The following MALRD1 variants were observed in gnomAD, a reference collection of about 807,000 sequenced individuals.
MALRD1 encodes the protein MAM and LDL receptor class A domain containing 1, also known as MAM and LDL-receptor class A domain-containing protein 1.
MALRD1 carries 247 observed loss-of-function variants against 242.1 expected under a neutral mutation model. The ratio of observed to expected loss-of-function variants is 1.02; its 90% confidence interval spans 0.92 to 1.13. The LOEUF (loss-of-function observed/expected upper bound fraction) is 1.13. MALRD1 is among the 50% of genes most tolerant of loss of function. The pLI is 0.00. For missense variants in MALRD1, 2,989 were observed against 2,533.1 expected (o/e 1.18, Z -3.86); for synonymous variants, 995 against 866.6 (o/e 1.15, Z -2.60).
intron 36 of MALRD1, among the ~76,000 whole-genome samples, chr10:19,650,526 G>A (rs577757871): frequency 3.3e-5 from 5 of 152,236 alleles, no homozygotes; most frequent in South Asian, 2.1e-4. Context: ...TAGAAAATCT[G>A]TAATAAGTTT....
intron 26 of MALRD1, among the ~76,000 whole-genome samples, chr10:19,376,824 C>T (rs1438280452): frequency 6.6e-6 from 1 of 151,970 alleles, no homozygotes; most frequent in African/African-American, 2.4e-5. Context: ...AATGATCTGA[C>T]CACCTCGGCC....
chr10:19,380,451 T>C (rs1845790485), intron 26 of MALRD1, among the ~76,000 whole-genome samples: 1 of 152,044 alleles, frequency 6.6e-6, no homozygotes, highest in Non-Finnish European at 1.5e-5. Flanking sequence ...TCAGTAGTTC[T>C]TTTGTTTCAT....
chr10:19,725,474 C>G (rs12772182), intron 38 of MALRD1, among the ~76,000 whole-genome samples: 3,639 of 152,288 alleles, frequency 0.024, 63 homozygotes, highest in Middle Eastern at 0.041. Context: ...AAACCTCTTT[C>G]CTTTATAAAT....
At chr10:19,293,461 A>G (rs1013796286) in intron 21 of MALRD1, among the ~76,000 whole-genome samples, 1 of 152,226 alleles carries the variant, frequency 6.6e-6, no homozygotes, top group Non-Finnish European at 1.5e-5. Flanking sequence ...TTAAGGATCT[A>G]TTATTTGCAT....
At chr10:19,659,131 T>G (rs996956654) in intron 36 of MALRD1, among the ~76,000 whole-genome samples, 1 of 152,212 alleles carries the variant, frequency 6.6e-6, no homozygotes, top group Non-Finnish European at 1.5e-5. Context: ...TTCTGCTAGT[T>G]ATCAGAACAA....
intron 25 of MALRD1, 77 bp from the exon 26 acceptor site, chr10:19,351,929 A>AT: frequency 8.0e-7 from 1 of 1,243,214 alleles, no homozygotes; most frequent in African/African-American, 1.5e-5. Flanking sequence ...GAAGAGGGCA[A>AT]TGTGATAGAA....
chr10:19,323,133 T>C (rs1482975728), intron 21 of MALRD1, among the ~76,000 whole-genome samples: 1 of 152,194 alleles, frequency 6.6e-6, no homozygotes, highest in Non-Finnish European at 1.5e-5. Flanking sequence ...TATACAAGGT[T>C]ACTAAAATGT....
intron 21 of MALRD1, among the ~76,000 whole-genome samples, chr10:19,297,109 T>A (rs1020113150): frequency 7.3e-5 from 11 of 150,462 alleles, no homozygotes; most frequent in African/African-American, 2.7e-4. Context: ...ATATATATAT[T>A]TGTGTGAGTG....
chr10:19,704,115 G>A (rs181568161), intron 38 of MALRD1, among the ~76,000 whole-genome samples: 59 of 129,032 alleles, frequency 4.6e-4, no homozygotes, highest in African/African-American at 1.5e-3. Flanking sequence ...ACTAACAAAA[G>A]TTAAAAATCA....
rs1319346850 is a variant in MALRD1 at position 19,215,395 on chromosome 10, G to A, written c.2991+5715G>A. On this transcript the variant is annotated intron_variant, in intron 18 of 39. Coordinates refer to ENST00000454679, the MANE Select transcript of MALRD1 (RefSeq NM_001142308.3). ...TTGATTATCAGTCCTCTTCAATTAGGGCACAAACAAGGTTAATTTTTTTCC... is the reference window on the plus strand; with the variant it reads ...TTGATTATCAGTCCTCTTCAATTAGAGCACAAACAAGGTTAATTTTTTTCC... 5.3e-5 allele frequency among the ~76,000 whole-genome samples: 8 copies of A among 152,080 alleles called. 1 individual carries two copies. Among genetic ancestry groups the A allele is most frequent in the Admixed American group, 2.6e-4 (4 of 15,244 alleles).
At chr10:19,331,205 A>G (rs1357886965) in intron 23 of MALRD1, among the ~76,000 whole-genome samples, 164 bp from the exon 24 acceptor site, 1 of 152,102 alleles carries the variant, frequency 6.6e-6, no homozygotes, top group Non-Finnish European at 1.5e-5. Context: ...TGGTCCTTAA[A>G]TTTCCTGGGT....
At chr10:19,410,665 T>C (rs1173422349) in intron 28 of MALRD1, among the ~76,000 whole-genome samples, 1 of 131,434 alleles carries the variant, frequency 7.6e-6, no homozygotes, top group Non-Finnish European at 1.6e-5. Context: ...CCTCCATCCA[T>C]TCTTCCTTCC....
intron 26 of MALRD1, among the ~76,000 whole-genome samples, chr10:19,365,921 C>A (rs983724069): frequency 6.6e-6 from 1 of 151,930 alleles, no homozygotes; most frequent in Non-Finnish European, 1.5e-5. Context: ...CAGAGGCAAC[C>A]AGTATTTTGA....
chr10:19,074,349 G>A (rs1164795004), intron 2 of MALRD1, among the ~76,000 whole-genome samples: 1 of 152,064 alleles, frequency 6.6e-6, no homozygotes. Context: ...GTCTCAAGCA[G>A]TATTTTCCAG....
chr10:19,312,641 A>T (rs575904635), intron 21 of MALRD1, among the ~76,000 whole-genome samples: 7 of 151,264 alleles, frequency 4.6e-5, no homozygotes, highest in Non-Finnish European at 7.4e-5. Context: ...TGAGACTGGA[A>T]AACTTTGACT....
At chr10:19,651,020 C>T (rs973549624) in intron 36 of MALRD1, among the ~76,000 whole-genome samples, 1 of 152,136 alleles carries the variant, frequency 6.6e-6, no homozygotes, top group Non-Finnish European at 1.5e-5. Flanking sequence ...TCTAGAATCC[C>T]TTGTCCATAT....
chr10:19,263,517 G>A (rs1384504030), intron 19 of MALRD1, among the ~76,000 whole-genome samples: 1 of 151,470 alleles, frequency 6.6e-6, no homozygotes, highest in Non-Finnish European at 1.5e-5. Context: ...GTTTGTTTTT[G>A]CTGTTGAGTT....
At chr10:19,565,687 C>T (rs571365534) in intron 32 of MALRD1, among the ~76,000 whole-genome samples, 1 of 152,248 alleles carries the variant, frequency 6.6e-6, no homozygotes, top group Non-Finnish European at 1.5e-5. Flanking sequence ...GGGATGAGTG[C>T]TTACGTGTCA....
At chr10:19,238,694 A>G (rs902866872) in intron 18 of MALRD1, among the ~76,000 whole-genome samples, 11 of 148,304 alleles carry the variant, frequency 7.4e-5, no homozygotes, top group South Asian at 2.1e-4. Context: ...TTCAAACACA[A>G]TGATTTCATT....
Sources: allele counts gnomAD v4.1 joint callset (sites outside exome capture counted in the v4.1 genomes callset), GRCh38; gene constraint gnomAD v4.1.1; transcripts MANE v1.5; gene names NCBI Gene and HGNC (gene_info 2026-07-23, HGNC 2026-07-21).